PROSER2: variants seen among roughly 807,000 people sequenced by gnomAD.
PROSER2 encodes the protein proline and serine-rich protein 2.
A neutral mutation model predicts 14.6 loss-of-function variants in PROSER2; 18 were observed. The ratio of observed to expected loss-of-function variants is 1.23; its 90% confidence interval spans 0.85 to 1.83. PROSER2 has a LOEUF of 1.83. Ranked by LOEUF, PROSER2 falls within the 40% of genes most tolerant of loss-of-function variation. The probability of loss-of-function intolerance (pLI) is 0.00; values close to 1 mark genes in which losing one functional copy is unlikely to be tolerated. For missense variants in PROSER2, 823 were observed against 629.8 expected, an observed-to-expected ratio of 1.31 and a Z score of -3.28; for synonymous variants, 367 against 286.4, an observed-to-expected ratio of 1.28 and a Z score of -2.84.
intron 2 of PROSER2, among the ~76,000 whole-genome samples, chr10:11,853,023 G>T (rs986302418): frequency 3.3e-5 from 5 of 152,124 alleles, no homozygotes; most frequent in Non-Finnish European, 5.9e-5. Context: ...TTTCAAGAGA[G>T]GGGAGACCAT....
chr10:11,864,247 T>A (rs548257541), intron 2 of PROSER2, among the ~76,000 whole-genome samples: 3 of 152,342 alleles, frequency 2.0e-5, no homozygotes, highest in Admixed American at 2.0e-4. Context: ...GTCTCCCGGC[T>A]TCTGGTGTTG....
intron 1 of PROSER2, among the ~76,000 whole-genome samples, chr10:11,833,777 C>T (rs1833720029): frequency 6.6e-6 from 1 of 152,020 alleles, no homozygotes; most frequent in Non-Finnish European, 1.5e-5. Context: ...CTTATGGGAT[C>T]AATTGTATCC....
intron 3 of PROSER2, among the ~76,000 whole-genome samples, chr10:11,868,751 A>AG (rs1564315420): frequency 6.6e-6 from 1 of 152,092 alleles, no homozygotes; most frequent in Non-Finnish European, 1.5e-5. Flanking sequence ...CCCAGGTTCA[A>AG]GGGATTCTCC....
intron 1 of PROSER2, among the ~76,000 whole-genome samples, chr10:11,840,509 ACC>A (rs1833821880): frequency 6.6e-6 from 1 of 152,072 alleles, no homozygotes; most frequent in Non-Finnish European, 1.5e-5. Flanking sequence ...TGGTTTATAG[ACC>A]CAGTTTACTA....
In PROSER2 at chr10:11,870,502, G is replaced by A. The variant is rs906584423; in HGVS notation, c.*96G>A. ...AGGAGCTGTTTGGTCTAAAATGGAA[G>A]TGACAGCGGGAGCCCCTGCCCTCTG... On this transcript the variant is annotated 3_prime_UTR_variant, in exon 4 of 4. Transcript: ENST00000277570. 2 of 1,091,088 alleles carry A rather than the reference G, an allele frequency of 1.8e-6. No homozygotes were observed. The highest frequency in any genetic ancestry group is 2.5e-6 in the Non-Finnish European group (2 of 806,916). The allele number at this position is 1,091,088 out of a possible 1,614,324, so 67.6% of individuals were successfully genotyped here. A position where few individuals can be genotyped will look rare whatever the true frequency, so the allele number is the denominator to read the frequency against.
chr10:11,834,387 A>T (rs1833729756), intron 1 of PROSER2, among the ~76,000 whole-genome samples: 1 of 151,850 alleles, frequency 6.6e-6, no homozygotes, highest in South Asian at 2.1e-4. Flanking sequence ...CACTTTTTAA[A>T]GCCTCACGTT....
intron 1 of PROSER2, among the ~76,000 whole-genome samples, chr10:11,833,694 AAC>A (rs1296934007): frequency 6.6e-6 from 1 of 152,182 alleles, no homozygotes; most frequent in Non-Finnish European, 1.5e-5. Context: ...TCCATCTCAA[AAC>A]ACAAAAAAAG....
intron 1 of PROSER2, among the ~76,000 whole-genome samples, chr10:11,839,313 G>GTC (rs1345023461): frequency 6.6e-6 from 1 of 152,100 alleles, no homozygotes; most frequent in African/African-American, 2.4e-5. Flanking sequence ...TATTCTTAGA[G>GTC]TAAGAAAGGC....
rs1188627384 is a variant in PROSER2 at position 11,869,787 on chromosome 10, C to T, written c.689C>T (p.Ala230Val). 2.8e-5 allele frequency: 44 copies of T among 1,553,700 alleles called. No homozygotes were observed. The highest frequency in any genetic ancestry group is 3.6e-5 in the Non-Finnish European group (41 of 1,151,398). ...CCCGGGGAGTGGAGGACACCTGCCG[C>T]CCGGGGGCCCCGCAGTGGAGACCCT... Reference protein sequence around the residue: ...GRPGEWRTPAARGPRSGDPGP... With the variant: ...GRPGEWRTPAVRGPRSGDPGP... The change falls in exon 4 of 4, where the codon GCC (alanine) becomes GTC (valine). Residue 230 changes from alanine (A) to valine (V), a missense_variant. By Grantham distance (64) the Ala-to-Val change is moderately conservative. Transcript: ENST00000277570. The surrounding 1 kb of genome is among the most constrained non-coding windows in gnomAD (Gnocchi z 4.4).
At chr10:11,828,510 T>C (rs568482250) in intron 1 of PROSER2, among the ~76,000 whole-genome samples, 2 of 152,046 alleles carry the variant, frequency 1.3e-5, no homozygotes, top group Non-Finnish European at 2.9e-5. Context: ...GAGACCACCC[T>C]GGCCAACATG....
At chr10:11,840,149 C>T (rs1003866591) in intron 1 of PROSER2, among the ~76,000 whole-genome samples, 7 of 151,570 alleles carry the variant, frequency 4.6e-5, no homozygotes, top group Admixed American at 1.3e-4. Flanking sequence ...AATGGGGTTT[C>T]GCCATCTTTG....
At chr10:11,859,286 G>A (rs1440414534) in intron 2 of PROSER2, among the ~76,000 whole-genome samples, 2 of 151,944 alleles carry the variant, frequency 1.3e-5, no homozygotes, top group African/African-American at 4.8e-5. Flanking sequence ...AAAAAAGGCC[G>A]AGTGTGGTGG....
intron 2 of PROSER2, among the ~76,000 whole-genome samples, chr10:11,864,909 A>G (rs1400364121): frequency 1.3e-5 from 2 of 152,040 alleles, no homozygotes; most frequent in Admixed American, 6.5e-5. Context: ...GATCTTTTGT[A>G]TGTGACCTGC....
intron 2 of PROSER2, among the ~76,000 whole-genome samples, chr10:11,853,277 T>C (rs956363005): frequency 4.6e-5 from 7 of 152,200 alleles, no homozygotes; most frequent in Admixed American, 1.3e-4. Context: ...AAAACCATTA[T>C]GGTAATATGT....
rs1294910223 is a variant in PROSER2 at position 11,871,708 on chromosome 10, A to G, written c.*1302A>G. On this transcript the variant is annotated 3_prime_UTR_variant, in exon 4 of 4. Transcript: ENST00000277570. The stretch of plus-strand genomic sequence containing the variant: ...TTAAGGCTGGAGTCTTAGACCTCTA[A>G]AAATAGACAGGAAGGGCTGCCCTGA... 2 of 152,206 alleles carry G rather than the reference A, an allele frequency of 1.3e-5. No homozygotes were observed. The highest frequency in any genetic ancestry group is 3.8e-4 in the East Asian group (2 of 5,198). The allele number at this position is 152,206 out of a possible 1,614,324, so 9.4% of individuals were successfully genotyped here.
At chr10:11,846,152 C>G (rs1271647725) in intron 1 of PROSER2, among the ~76,000 whole-genome samples, 3 of 152,012 alleles carry the variant, frequency 2.0e-5, no homozygotes, top group Admixed American at 6.6e-5. Flanking sequence ...ACGCCCGGCT[C>G]ATTTTTGTAT....
intron 2 of PROSER2, among the ~76,000 whole-genome samples, chr10:11,853,449 G>A (rs879471847): frequency 9.9e-5 from 15 of 152,240 alleles, no homozygotes; most frequent in East Asian, 3.9e-4. Flanking sequence ...TTAGCCGGGC[G>A]TGGTGGTGGG....
At chr10:11,860,162 G>T (rs917546729) in intron 2 of PROSER2, among the ~76,000 whole-genome samples, 1 of 152,198 alleles carries the variant, frequency 6.6e-6, no homozygotes, top group Admixed American at 6.5e-5. Flanking sequence ...TGGGACTCAG[G>T]GCACAAGGCC....
chr10:11,861,472 G>A (rs142754355), intron 2 of PROSER2, among the ~76,000 whole-genome samples: 9 of 152,240 alleles, frequency 5.9e-5, no homozygotes, highest in Non-Finnish European at 1.3e-4. Flanking sequence ...TAGCAGGTGC[G>A]TGTGTGTGGC....
Sources: gnomAD v4.1 joint callset for allele counts (sites outside exome capture counted in the v4.1 genomes callset) on GRCh38, gnomAD v4.1.1 for gene constraint, Gnocchi (gnomAD v3.1) non-coding constraint, MANE v1.5 for transcripts, NCBI Gene and HGNC (gene_info 2026-07-23, HGNC 2026-07-21) for gene names.